PUS7: variants seen among roughly 807,000 people sequenced by gnomAD.
The protein encoded by PUS7 is pseudouridylate synthase 7 homolog.
A neutral mutation model predicts 79.8 loss-of-function variants in PUS7; 48 were observed. The ratio of observed to expected loss-of-function variants is 0.60; its 90% CI spans 0.48 to 0.76. PUS7 has a LOEUF of 0.76. PUS7 is among the 30% of genes least tolerant of loss of function. The pLI, the probability that PUS7 is intolerant of heterozygous loss-of-function variation, is 0.00. For synonymous variants in PUS7, 286 were observed against 272.2 expected, an observed-to-expected ratio of 1.05 and a Z score of -0.50; for missense variants, 729 against 797.6, an observed-to-expected ratio of 0.91 and a Z score of 1.04.
chr7:105,499,565 C>A lies in PUS7; in HGVS notation c.730+2855G>T, dbSNP rs1413615062. 2.0e-5 allele frequency among the ~76,000 whole-genome samples: 3 copies of A among 151,906 alleles called. No homozygotes were observed. In the East Asian group the frequency reaches 5.8e-4, roughly 29 times the overall value. On this transcript the variant is annotated intron_variant, in intron 5 of 15. Transcript: ENST00000469408. ...TTTAGATGGTATTTTAAAAAAAAAT[C>A]ACATATACATTTTGGTAGGTAAAGC...
chr7:105,495,197 A>G lies in PUS7; in HGVS notation c.787T>C (p.Tyr263His), dbSNP rs1305154710. ...SRGSYCHFVL[Y>H]KENKDTMDAI... ...TCCATGGTGTCTTTGTTTTCCTTATATAGTACGAAGTGGCAGTAACTTCCC... is the reference window on the plus strand; with the variant it reads ...TCCATGGTGTCTTTGTTTTCCTTATGTAGTACGAAGTGGCAGTAACTTCCC... The change falls in exon 6 of 16, where the codon TAT becomes CAT. Residue 263 changes from tyrosine (Y) to histidine (H), a missense_variant. Transcript: ENST00000469408. 1 of 1,613,016 alleles carries G rather than the reference A, an allele frequency of 6.2e-7. No individual in the cohort carries two copies. The highest frequency in any genetic ancestry group is 1.7e-5 in the Admixed American group (1 of 59,898).
chr7:105,464,597 T>C (rs1168307038), intron 13 of PUS7, among the ~76,000 whole-genome samples: 1 of 152,192 alleles, frequency 6.6e-6, no homozygotes, highest in Non-Finnish European at 1.5e-5. Flanking sequence ...CTCTGGCCTA[T>C]GGACTCTGGG....
intron 9 of PUS7, among the ~76,000 whole-genome samples, chr7:105,475,510 G>T (rs1738368589): frequency 6.6e-6 from 1 of 151,884 alleles, no homozygotes; most frequent in South Asian, 2.1e-4. Context: ...TTTTAGTAGA[G>T]ATGGGGTTTC....
At chr7:105,491,970 T>C (rs1824800277) in intron 6 of PUS7, among the ~76,000 whole-genome samples, 1 of 151,360 alleles carries the variant, frequency 6.6e-6, no homozygotes, top group African/African-American at 2.4e-5. Context: ...GACAGGGGAA[T>C]TGCTTGAACT....
intron 7 of PUS7, among the ~76,000 whole-genome samples, chr7:105,491,073 C>T (rs1347091459): frequency 6.6e-6 from 1 of 152,242 alleles, no homozygotes; most frequent in African/African-American, 2.4e-5. Flanking sequence ...GTTCCCTCCA[C>T]ATCAACTCCC....
intron 9 of PUS7, among the ~76,000 whole-genome samples, chr7:105,472,920 CTTT>C (rs758552553): frequency 4.3e-5 from 5 of 116,404 alleles, no homozygotes; most frequent in Admixed American, 1.8e-4. Flanking sequence ...TGCCCAGCTA[CTTT>C]TTTTTTTTTT....
At chr7:105,487,859 T>C (rs1824616790) in intron 7 of PUS7, among the ~76,000 whole-genome samples, 1 of 152,174 alleles carries the variant, frequency 6.6e-6, no homozygotes, top group Admixed American at 6.6e-5. Context: ...AATTACTAGG[T>C]GGCTTTAGAG....
At chr7:105,512,505 T>C (rs1332133606) in intron 1 of PUS7, among the ~76,000 whole-genome samples, 1 of 152,030 alleles carries the variant, frequency 6.6e-6, no homozygotes, top group Admixed American at 6.6e-5. Context: ...TTTTGTGGCA[T>C]AAGGAAGAGG....
chr7:105,457,140 GAAAAAAAA>G lies in PUS7; in HGVS notation c.*642_*649del, dbSNP rs541762312. 2.8e-5 allele frequency: 4 copies of G among 145,358 alleles called. No individual in the cohort carries two copies. Among genetic ancestry groups the G allele is most frequent in the African/African-American group, 1.0e-4 (4 of 39,528 alleles). The allele number at this position is 145,358 out of a possible 1,614,324, so 9.0% of individuals were successfully genotyped here. A position where few individuals can be genotyped will look rare whatever the true frequency, so the allele number is the denominator to read the frequency against. ...GTGCTACAGAGTGAGATCCTGTCTC[GAAAAAAAA>G]AATAAAAAAATAAAATGGGCCTATC... On this transcript the variant is annotated 3_prime_UTR_variant, in exon 16 of 16. Coordinates refer to ENST00000469408, the MANE Select transcript of PUS7 (RefSeq NM_019042.5).
intron 1 of PUS7, among the ~76,000 whole-genome samples, chr7:105,512,260 G>A (rs1825734220): frequency 6.6e-6 from 1 of 150,984 alleles, no homozygotes; most frequent in African/African-American, 2.4e-5. Context: ...TTACATAAAA[G>A]TATCCCTAAT....
At chr7:105,462,819 AAG>A (rs575827059) in intron 13 of PUS7, 69 bp from the exon 14 acceptor site, 173 of 1,441,536 alleles carry the variant, frequency 1.2e-4, no homozygotes, top group Non-Finnish European at 1.5e-4. Flanking sequence ...CTAGATTATA[AAG>A]AGAGTAACAA....
chr7:105,509,243 T>C (rs756859168), intron 1 of PUS7, among the ~76,000 whole-genome samples: 19 of 130,914 alleles, frequency 1.5e-4, no homozygotes, highest in Non-Finnish European at 2.6e-4. Flanking sequence ...GATAAAGGCA[T>C]AGTTAATGTT....
chr7:105,497,850 G>C, intron 5 of PUS7, among the ~76,000 whole-genome samples: 1 of 152,146 alleles, frequency 6.6e-6, no homozygotes, highest in East Asian at 1.9e-4. Context: ...ATGGTTTATG[G>C]GTACATAGGT....
chr7:105,512,619 G>A (rs1325595402), intron 1 of PUS7, among the ~76,000 whole-genome samples: 4 of 152,294 alleles, frequency 2.6e-5, no homozygotes, highest in African/African-American at 4.8e-5. Context: ...AGAACTCATC[G>A]CCCACTGTGG....
chr7:105,465,223 T>A, intron 13 of PUS7, 90 bp downstream of exon 13: 1 of 868,498 alleles, frequency 1.2e-6, no homozygotes, highest in Non-Finnish European at 1.8e-6. Context: ...TGGGAGACTG[T>A]CATAAATAAC....
At chr7:105,465,638 G>A (rs545131791) in intron 12 of PUS7, among the ~76,000 whole-genome samples, 3 of 152,186 alleles carry the variant, frequency 2.0e-5, no homozygotes, top group African/African-American at 7.2e-5. Context: ...TTCGAGACCA[G>A]CCTGACCAAC....
chr7:105,514,892 C>T (rs755785940), intron 1 of PUS7, among the ~76,000 whole-genome samples: 2 of 151,614 alleles, frequency 1.3e-5, no homozygotes, highest in Admixed American at 1.3e-4. Context: ...CCTGGGCTCA[C>T]GCCATTCTCC....
chr7:105,495,769 T>G (rs1220631623), intron 5 of PUS7, among the ~76,000 whole-genome samples: 1 of 151,830 alleles, frequency 6.6e-6, no homozygotes, highest in Non-Finnish European at 1.5e-5. Context: ...AGAAAAACAT[T>G]TTTAATTAAA....
At chr7:105,499,996 G>C (rs1212362321) in intron 5 of PUS7, among the ~76,000 whole-genome samples, 2 of 152,096 alleles carry the variant, frequency 1.3e-5, no homozygotes, top group African/African-American at 2.4e-5. Flanking sequence ...GGGAGAGTGG[G>C]GTCTATAAAA....
Sources: gnomAD v4.1 joint callset for allele counts (sites outside exome capture counted in the v4.1 genomes callset) on GRCh38, gnomAD v4.1.1 for gene constraint, MANE v1.5 for transcripts, NCBI Gene and HGNC (gene_info 2026-07-23, HGNC 2026-07-21) for gene names.